C6orf52: variants seen among roughly 807,000 people sequenced by gnomAD.
C6orf52 encodes putative uncharacterized protein C6orf52.
C6orf52 carries 16 observed loss-of-function variants against 16.6 expected under a neutral mutation model. The ratio of observed to expected loss-of-function variants is 0.96; its 90% CI spans 0.65 to 1.46. The LOEUF (loss-of-function observed/expected upper bound fraction) is 1.46, where lower values mean the gene tolerates loss of function less well. C6orf52 is among the 40% of genes most tolerant of loss of function. The pLI is 0.00. For synonymous variants in C6orf52, 53 were observed against 61.4 expected, an observed-to-expected ratio of 0.86 and a Z score of 0.64; for missense variants, 166 against 182.3, an observed-to-expected ratio of 0.91 and a Z score of 0.52.
rs1051423563 is a variant in C6orf52 at position 10,684,986 on chromosome 6, T to C, written c.271-1754A>G. On this transcript the variant is annotated intron_variant, in intron 3 of 4. Coordinates refer to ENST00000259983, the MANE Select transcript of C6orf52 (RefSeq NM_001145020.3). ...GTATGAAAAATGCATGTTATAGTAA[T>C]AATTCGGCCTGAGGGTGAGATAAAA... is the stretch of plus-strand genomic sequence containing the variant. 2 of 941,334 alleles carry C rather than the reference T, an allele frequency of 2.1e-6. 1 individual carries two copies. The highest frequency in any genetic ancestry group is 9.3e-4 in the Middle Eastern group (2 of 2,154). The allele number at this position is 941,334 out of a possible 1,614,324, so 58.3% of individuals were successfully genotyped here.
intron 4 of C6orf52, among the ~76,000 whole-genome samples, chr6:10,678,860 G>T (rs7767953): frequency 0.069 from 10,524 of 151,674 alleles, 1,048 homozygotes; most frequent in African/African-American, 0.22. Flanking sequence ...TTTGGGAGGC[G>T]GAGGCAGGAA....
chr6:10,694,599 A>ATTGT lies in C6orf52; in HGVS notation c.-118_-117insACAA. 5.6e-6 allele frequency: 1 copy of ATTGT among 178,262 alleles called. No homozygotes were observed. Among genetic ancestry groups the ATTGT allele is most frequent in the Non-Finnish European group, 1.2e-5 (1 of 82,420 alleles). 11.0% of individuals were successfully genotyped at this position (178,262 alleles called of 1,614,324 possible). A position where few individuals can be genotyped will look rare whatever the true frequency, so the allele number is the denominator to read the frequency against. On this transcript the variant is annotated 5_prime_UTR_variant, in exon 1 of 5. Transcript: ENST00000259983. ...CACGCTGCCGGCGCTACAGCCCCTA[A>ATTGT]GCAACCGGCCGGAAGTCGGCCCCAC...
intron 3 of C6orf52, among the ~76,000 whole-genome samples, chr6:10,684,133 C>CT (rs1461193818): frequency 6.6e-6 from 1 of 152,112 alleles, no homozygotes; most frequent in Non-Finnish European, 1.5e-5. Flanking sequence ...GACAATCTGT[C>CT]TTTTTTCTAT....
chr6:10,682,621 T>C (rs112427362), intron 4 of C6orf52, among the ~76,000 whole-genome samples: 12 of 152,336 alleles, frequency 7.9e-5, no homozygotes, highest in African/African-American at 2.4e-4. Flanking sequence ...AAGGCAATAG[T>C]GTTCTCTGCA....
intron 4 of C6orf52, among the ~76,000 whole-genome samples, chr6:10,678,183 T>TAA (rs377733205): frequency 0.013 from 1,347 of 101,546 alleles, 50 homozygotes; most frequent in African/African-American, 0.046. Flanking sequence ...GAGACTGTCT[T>TAA]AAAAAAAAAA....
At chr6:10,680,730 AAAAAT>A (rs1275788611) in intron 4 of C6orf52, among the ~76,000 whole-genome samples, 5 of 152,282 alleles carry the variant, frequency 3.3e-5, no homozygotes, top group African/African-American at 1.2e-4. Flanking sequence ...CACCTCTACA[AAAAAT>A]AAAATAAAAT....
chr6:10,679,583 AAAAAC>A (rs1561871435), intron 4 of C6orf52, among the ~76,000 whole-genome samples: 52 of 146,534 alleles, frequency 3.5e-4, no homozygotes, highest in African/African-American at 1.4e-3. Context: ...AAAAAAAACA[AAAAAC>A]AAAAACCATA....
intron 1 of C6orf52, 33 bp from the exon 2 acceptor site, chr6:10,687,594 T>G (rs1437815973): frequency 7.3e-7 from 1 of 1,367,264 alleles, no homozygotes; most frequent in Non-Finnish European, 1.0e-6. Context: ...CCAGTTTTTA[T>G]TCCTGCGTCA....
At chr6:10,685,680 A>C (rs1288615176) in intron 3 of C6orf52, among the ~76,000 whole-genome samples, 1 of 152,212 alleles carries the variant, frequency 6.6e-6, no homozygotes, top group Non-Finnish European at 1.5e-5. Context: ...ACAACTCAAC[A>C]GAAAAATTAG....
At chr6:10,685,593 G>C (rs1182961125) in intron 3 of C6orf52, among the ~76,000 whole-genome samples, 1 of 152,156 alleles carries the variant, frequency 6.6e-6, no homozygotes, top group Non-Finnish European at 1.5e-5. Context: ...TGGGGTGGGG[G>C]AAGTCCGTAA....
intron 1 of C6orf52, among the ~76,000 whole-genome samples, chr6:10,691,245 G>A (rs765934393): frequency 5.9e-5 from 9 of 152,188 alleles, no homozygotes; most frequent in South Asian, 2.1e-4. Context: ...CTCAGCCAGC[G>A]AGTTTAAGAA....
chr6:10,677,354 A>G (rs1038809845), intron 4 of C6orf52, among the ~76,000 whole-genome samples: 1 of 151,878 alleles, frequency 6.6e-6, no homozygotes, highest in Non-Finnish European at 1.5e-5. Context: ...TGGGCTCTCT[A>G]TTCTGTTCCA....
At chr6:10,677,220 C>G (rs1424849440) in intron 4 of C6orf52, among the ~76,000 whole-genome samples, 1 of 152,118 alleles carries the variant, frequency 6.6e-6, no homozygotes, top group Non-Finnish European at 1.5e-5. Flanking sequence ...AGTCTAATTT[C>G]ATTCTTTTGC....
At position 10,694,603 on chromosome 6, in the gene C6orf52, A is replaced by G; in HGVS notation, c.-121T>C. 2.2e-5 allele frequency: 4 copies of G among 179,126 alleles called. No individual in the cohort carries two copies. The highest frequency in any genetic ancestry group is 1.0e-4 in the South Asian group (1 of 10,022). The allele number at this position is 179,126 out of a possible 1,614,324, so 11.1% of individuals were successfully genotyped here. A position where few individuals can be genotyped will look rare whatever the true frequency, so the allele number is the denominator to read the frequency against. On this transcript the variant is annotated 5_prime_UTR_variant, in exon 1 of 5. Coordinates refer to ENST00000259983, the MANE Select transcript of C6orf52 (RefSeq NM_001145020.3). ...CTGCCGGCGCTACAGCCCCTAAGCA[A>G]CCGGCCGGAAGTCGGCCCCACCTCC... is the stretch of plus-strand genomic sequence containing the variant.
chr6:10,677,751 CTTGAACT>C (rs1768022349), intron 4 of C6orf52, among the ~76,000 whole-genome samples: 1 of 151,692 alleles, frequency 6.6e-6, no homozygotes, highest in African/African-American at 2.4e-5. Context: ...CCAGGCTGTT[CTTGAACT>C]CCTGACCTCA....
In C6orf52 at chr6:10,692,782, G is replaced by A. The variant is rs139260355; in HGVS notation, c.-12+1712C>T. 5.8e-3 allele frequency among the ~76,000 whole-genome samples: 883 copies of A among 152,048 alleles called. 13 individuals are homozygous for A. Among genetic ancestry groups the A allele is most frequent in the African/African-American group, 0.02 (836 of 41,462 alleles). The stretch of plus-strand genomic sequence containing the variant: ...CAAGCAATCCGCCTGCCTAGGCCTC[G>A]CAAAGTGCTGGGATTACAGGAGTGA... On this transcript the variant is annotated intron_variant, in intron 1 of 4. Coordinates refer to ENST00000259983, the MANE Select transcript of C6orf52 (RefSeq NM_001145020.3).
intron 1 of C6orf52, among the ~76,000 whole-genome samples, chr6:10,690,761 T>G (rs1235354585): frequency 1.3e-5 from 2 of 152,240 alleles, no homozygotes; most frequent in Non-Finnish European, 2.9e-5. Context: ...CGTGCTTTAG[T>G]GTTTAATGAA....
At chr6:10,692,615 A>G (rs1769434581) in intron 1 of C6orf52, among the ~76,000 whole-genome samples, 1 of 152,006 alleles carries the variant, frequency 6.6e-6, no homozygotes, top group Admixed American at 6.6e-5. Flanking sequence ...TAATTTTTGT[A>G]TTTTTAGTAG....
At chr6:10,693,542 C>T (rs551867224) in intron 1 of C6orf52, among the ~76,000 whole-genome samples, 65 of 152,268 alleles carry the variant, frequency 4.3e-4, no homozygotes, top group African/African-American at 1.6e-3. Flanking sequence ...AGGGTCTAAG[C>T]GCTGAAGCAC....
Sources: allele counts gnomAD v4.1 joint callset (sites outside exome capture counted in the v4.1 genomes callset), GRCh38; gene constraint gnomAD v4.1.1; transcripts MANE v1.5; gene names NCBI Gene and HGNC (gene_info 2026-07-23, HGNC 2026-07-21).